GSE1: variants seen among roughly 807,000 people sequenced by gnomAD.
The protein encoded by GSE1 is Gse1 coiled-coil protein, also known as genetic suppressor element 1.
Under a neutral mutation model 112.6 loss-of-function variants are expected in GSE1, and 32 were observed. That is an observed-to-expected ratio of 0.28 (90% CI 0.21 to 0.38). The LOEUF (loss-of-function observed/expected upper bound fraction) is 0.38, where lower values mean the gene tolerates loss of function less well. GSE1 is among the 10% of genes least tolerant of loss of function. The pLI is 1.00. For synonymous variants in GSE1, 1,115 were observed against 735.6 expected (o/e 1.52, Z -8.35); for missense variants, 2,348 against 1,699.2 (o/e 1.38, Z -6.71).
At chr16:85,520,326 T>G (rs112474940) in intron 2 of GSE1, among the ~76,000 whole-genome samples, 1 of 152,042 alleles carries the variant, frequency 6.6e-6, no homozygotes, top group African/African-American at 2.4e-5. Context: ...GGTGAGGATT[T>G]CAACACAGGA....
rs1311633368 is a variant in GSE1 at position 85,373,443 on chromosome 16, G to T, written c.2464+15800G>T. Among the ~76,000 whole-genome samples the T allele has an allele frequency of 6.6e-6, 1 of 151,998 alleles. No individual in the cohort carries two copies. Among genetic ancestry groups the T allele is most frequent in the Non-Finnish European group, 1.5e-5 (1 of 68,018 alleles). On this transcript the variant is annotated intron_variant, in intron 2 of 2. Transcript: ENST00000637419. This position sits in a 1 kb window ranked among gnomAD's most constrained non-coding sequence, Gnocchi z 5.1. ...GGAAGAGCAGAGGAGGGGAGGGGAC[G>T]AGAACCTCTCCCCCTCCGCTGCTTT...
At chr16:85,594,204 G>A (rs904719703) in intron 1 of GSE1, 7 of 142,840 alleles carry the variant, frequency 4.9e-5, no homozygotes, top group African/African-American at 1.8e-4. Context: ...GGCCTGCTGT[G>A]GAGGGCCTGG....
chr16:85,262,877 A>G (rs1199591549), intron 1 of GSE1, among the ~76,000 whole-genome samples: 1 of 152,208 alleles, frequency 6.6e-6, no homozygotes, highest in Non-Finnish European at 1.5e-5. Flanking sequence ...CCATTCTGCA[A>G]TTCAGTGTTA....
rs547935163 is a variant in GSE1, at chr16:85,440,240, C to G, written c.2464+82597C>G. Among the ~76,000 whole-genome samples, 30 of 152,336 alleles carry G rather than the reference C, an allele frequency of 2.0e-4. No individual in the cohort carries two copies. The South Asian group carries it at 2.1e-3, about 11-fold the overall frequency. The stretch of plus-strand genomic sequence containing the variant: ...GGTGAGGATCAGGAGACAGTCAGCC[C>G]TCTGCTTTGCTGGAGACTGGGGAAC... On this transcript the variant is annotated intron_variant, in intron 2 of 2. Coordinates refer to the GSE1 transcript ENST00000637419.
Position 85,235,304 on chromosome 16 carries a change from G to A in GSE1, c.2283+63497G>A, listed in dbSNP as rs117321343. 9.2e-3 allele frequency among the ~76,000 whole-genome samples: 1,394 copies of A among 151,768 alleles called. 25 individuals carry two copies. Among genetic ancestry groups the A allele is most frequent in the South Asian group, 0.056 (269 of 4,802 alleles). On this transcript the variant is annotated intron_variant, in intron 1 of 2. Transcript: ENST00000637419. ...GGCTGGCCTCTTCCCCCACTGCTGG[G>A]GGGTGACGGCTCCCCAGGCGAAGAG...
At chr16:85,668,573 C>T (rs2053075533) in intron 14 of GSE1, 149 bp downstream of exon 14, 1 of 632,692 alleles carries the variant, frequency 1.6e-6, no homozygotes, top group Non-Finnish European at 2.7e-6. Flanking sequence ...GAAGTTTCTT[C>T]CGGCTTCTGG....
At chr16:85,510,920 G>A (rs1396303753) in intron 2 of GSE1, among the ~76,000 whole-genome samples, 1 of 152,222 alleles carries the variant, frequency 6.6e-6, no homozygotes, top group East Asian at 1.9e-4. Flanking sequence ...TCCAAAAGCA[G>A]CCAACCTTGA....
chr16:85,499,818 T>G (rs59961392), intron 2 of GSE1, among the ~76,000 whole-genome samples: 1 of 152,152 alleles, frequency 6.6e-6, no homozygotes, highest in Non-Finnish European at 1.5e-5. Context: ...AGATAACATA[T>G]GTTGCTGGCA....
intron 3 of GSE1, among the ~76,000 whole-genome samples, chr16:85,652,704 G>A (rs2051474359): frequency 6.6e-6 from 1 of 152,182 alleles, no homozygotes; most frequent in African/African-American, 2.4e-5. Flanking sequence ...AGATGGATGG[G>A]CCCAGGAAGA....
At chr16:85,201,635 G>C (rs2143559126) in intron 1 of GSE1, among the ~76,000 whole-genome samples, 1 of 151,418 alleles carries the variant, frequency 6.6e-6, no homozygotes, top group South Asian at 2.1e-4. Flanking sequence ...CTGAGTGAAA[G>C]AGCAAGACTC....
At chr16:85,553,571 C>T (rs2045044065), upstream of GSE1, among the ~76,000 whole-genome samples, 2 of 152,050 alleles carry the variant, frequency 1.3e-5, no homozygotes. Context: ...AGCTTGGGGA[C>T]TCAAAGACGC....
chr16:85,277,572 C>G (rs922288711), intron 1 of GSE1, among the ~76,000 whole-genome samples: 1 of 152,210 alleles, frequency 6.6e-6, no homozygotes, highest in African/African-American at 2.4e-5. Context: ...CAGGGCATCA[C>G]TCTGAAGCCC....
At chr16:85,299,758 T>C (rs2045467023) in intron 1 of GSE1, among the ~76,000 whole-genome samples, 1 of 151,950 alleles carries the variant, frequency 6.6e-6, no homozygotes, top group Admixed American at 6.6e-5. Flanking sequence ...TGGGACTCTG[T>C]CTCTATAAAA....
Position 85,656,412 on chromosome 16 carries a change from T to A in GSE1, c.1059T>A (p.Ala353=). The change falls in exon 7 of 16, where the codon GCT becomes GCA. Residue 353 remains alanine (A), a synonymous_variant. Coordinates refer to ENST00000253458, the MANE Select transcript of GSE1 (RefSeq NM_014615.5). ...RERERERERE[A]DREREKERER... ...GCGAGCGCGAGCGTGAGCGTGAGGC[T>A]GACCGCGAGCGGGAGAAGGAACGTG... 6.4e-7 allele frequency: 1 copy of A among 1,571,942 alleles called. No individual in the cohort carries two copies. Among genetic ancestry groups the A allele is most frequent in the Non-Finnish European group, 8.7e-7 (1 of 1,154,608 alleles).
In GSE1 at chr16:85,641,687, A is replaced by G. The variant is rs899540644; in HGVS notation, c.227-6865A>G. Among the ~76,000 whole-genome samples, 3 of 152,176 alleles carry G rather than the reference A, an allele frequency of 2.0e-5. No individual in the cohort carries two copies. The East Asian group carries it at 5.8e-4, about 29-fold the overall frequency. On this transcript the variant is annotated intron_variant, in intron 2 of 15. Coordinates refer to ENST00000253458, the MANE Select transcript of GSE1 (RefSeq NM_014615.5). ...GTGCGATGGGGACTTCACCTTCCAG[A>G]CCCGCACCATTCCCAGTGGGTGGGG...
intron 1 of GSE1, among the ~76,000 whole-genome samples, chr16:85,189,011 C>T (rs1406248016): frequency 6.6e-6 from 1 of 152,142 alleles, no homozygotes; most frequent in African/African-American, 2.4e-5. Flanking sequence ...TGTAAACAAC[C>T]ATTGTTATAG....
rs577537557 is a variant in GSE1, at chr16:85,419,386, G to C, written c.2464+61743G>C. Among the ~76,000 whole-genome samples, 9 of 152,272 alleles carry C rather than the reference G, an allele frequency of 5.9e-5. No individual in the cohort carries two copies. Among genetic ancestry groups the C allele is most frequent in the African/African-American group, 2.2e-4 (9 of 41,552 alleles). On this transcript the variant is annotated intron_variant, in intron 2 of 2. Coordinates refer to the GSE1 transcript ENST00000637419. This position sits in a 1 kb window ranked among gnomAD's most constrained non-coding sequence, Gnocchi z 6.5. ...CCAGCACTTTGGGAGGCTGAGATGG[G>C]AGGACTGCTTGAGCCCAGGAGTTTG...
In GSE1 at chr16:85,357,665, A is replaced by G. The variant is rs1239214440; in HGVS notation, c.2464+22A>G. 3.1e-6 allele frequency: 4 copies of G among 1,281,130 alleles called. No individual in the cohort carries two copies. The South Asian group carries it at 4.9e-5, about 16-fold the overall frequency. The allele number at this position is 1,281,130 out of a possible 1,614,324, so 79.4% of individuals were successfully genotyped here. A position where few individuals can be genotyped will look rare whatever the true frequency, so the allele number is the denominator to read the frequency against. ...GCAGGTAGACGCCAGCTCTTTTTGT[A>G]TCTCTGGGTACTGGGCTGGGATGCG... On this transcript the variant is annotated intron_variant, in intron 2 of 2. Transcript: ENST00000637419.
At chr16:85,357,730 A>G in intron 2 of GSE1, 1 of 869,722 alleles carries the variant, frequency 1.1e-6, no homozygotes, top group Non-Finnish European at 1.6e-6. Context: ...AGCCGAGTTC[A>G]GATACAGTTC....
Sources: allele counts gnomAD v4.1 joint callset (sites outside exome capture counted in the v4.1 genomes callset), GRCh38; gene constraint gnomAD v4.1.1; non-coding constraint Gnocchi (gnomAD v3.1); transcripts MANE v1.5; gene names NCBI Gene and HGNC (gene_info 2026-07-23, HGNC 2026-07-21).